The following SPOCK3 variants were observed in gnomAD, a reference collection of about 807,000 sequenced individuals.
SPOCK3 encodes SPARC (osteonectin), cwcv and kazal like domains proteoglycan 3, also known as testican-3.
SPOCK3 carries 30 observed loss-of-function variants against 56.6 expected under a neutral mutation model. That is an observed-to-expected ratio of 0.53 (90% confidence interval 0.40 to 0.72). The LOEUF (loss-of-function observed/expected upper bound fraction) is 0.72, where lower values mean the gene tolerates loss of function less well. SPOCK3 is among the 30% of genes least tolerant of loss of function. SPOCK3 has a pLI of 0.00. For missense variants in SPOCK3, 527 were observed against 530.0 expected (o/e 0.99, Z 0.06); for synonymous variants, 196 against 183.3 (o/e 1.07, Z -0.56).
At chr4:166,773,430 G>GTTT (rs5863841) in intron 7 of SPOCK3, among the ~76,000 whole-genome samples, 1 of 151,608 alleles carries the variant, frequency 6.6e-6, no homozygotes, top group African/African-American at 2.4e-5. Flanking sequence ...AAAAGTAACT[G>GTTT]TTTCTTTTAA....
intron 9 of SPOCK3, among the ~76,000 whole-genome samples, chr4:166,738,440 AT>A (rs1304441897): frequency 1.3e-5 from 2 of 149,360 alleles, no homozygotes; most frequent in Non-Finnish European, 3.0e-5. Flanking sequence ...TTATTTATTT[AT>A]TTAATTTTAC....
chr4:166,900,967 C>A (rs899423902), intron 5 of SPOCK3, among the ~76,000 whole-genome samples: 5 of 152,138 alleles, frequency 3.3e-5, no homozygotes, highest in Non-Finnish European at 7.4e-5. Flanking sequence ...ATCTTTCCTC[C>A]CCAAGGAAAT....
At chr4:166,940,708 C>G (rs949496874) in intron 4 of SPOCK3, among the ~76,000 whole-genome samples, 2 of 150,212 alleles carry the variant, frequency 1.3e-5, no homozygotes, top group African/African-American at 4.9e-5. Flanking sequence ...GAACCTAAGA[C>G]AGCAAAGATC....
intron 2 of SPOCK3, among the ~76,000 whole-genome samples, chr4:167,090,054 T>C (rs1232792156): frequency 2.0e-5 from 3 of 152,210 alleles, no homozygotes; most frequent in Non-Finnish European, 4.4e-5. Flanking sequence ...GTTTTCAGTA[T>C]GGGGTAATTA....
chr4:166,972,152 TACA>T (rs1291161681), intron 4 of SPOCK3, among the ~76,000 whole-genome samples: 2 of 152,218 alleles, frequency 1.3e-5, no homozygotes, highest in East Asian at 1.9e-4. Context: ...ACACTGATAA[TACA>T]ACAAGCTGGA....
chr4:167,143,615 G>T (rs1561261835), intron 2 of SPOCK3, among the ~76,000 whole-genome samples: 1 of 151,860 alleles, frequency 6.6e-6, no homozygotes, highest in Non-Finnish European at 1.5e-5. Flanking sequence ...ACTGGCAGCT[G>T]CCATTTTTTT....
At chr4:166,877,828 A>T (rs1733254287) in intron 6 of SPOCK3, among the ~76,000 whole-genome samples, 1 of 152,232 alleles carries the variant, frequency 6.6e-6, no homozygotes, top group Non-Finnish European at 1.5e-5. Flanking sequence ...AGAAACAGTA[A>T]TAATTTTGCC....
chr4:167,149,449 C>A (rs1022454599), intron 2 of SPOCK3, among the ~76,000 whole-genome samples: 16 of 152,068 alleles, frequency 1.1e-4, no homozygotes, highest in African/African-American at 3.9e-4. Flanking sequence ...GAAATACCTG[C>A]CAAAAGAAGT....
At position 166,951,309 on chromosome 4, in the gene SPOCK3, C is replaced by T. The variant is rs1415405790; in HGVS notation, c.351-38566G>A. On this transcript the variant is annotated intron_variant, in intron 4 of 10. Transcript: ENST00000357545. ...TCAGAGATTACTACAAACACCTCTACGCAAAAAAACTAGAAAATCTAGAAG... is the reference window on the plus strand; with the variant it reads ...TCAGAGATTACTACAAACACCTCTATGCAAAAAAACTAGAAAATCTAGAAG... Among the ~76,000 whole-genome samples the T allele has an allele frequency of 1.7e-4, 23 of 137,196 alleles. 1 individual carries two copies. Among genetic ancestry groups the T allele is most frequent in the Middle Eastern group, 3.7e-3 (1 of 268 alleles). The allele number at this position is 137,196 out of a possible 152,430, so 90.0% of individuals were successfully genotyped here.
rs930303435 is a variant in SPOCK3 at position 166,921,662 on chromosome 4, T to C, written c.351-8919A>G. 7.3e-4 allele frequency among the ~76,000 whole-genome samples: 111 copies of C among 152,188 alleles called. 4 individuals are homozygous for C. The highest frequency in any genetic ancestry group is 1.5e-5 in the Non-Finnish European group (1 of 68,036). ...TAACCAGGAGTAGGGGCAGACTCAC[T>C]AGCCAAGGAACTGTTCTCCTGGAAA... On this transcript the variant is annotated intron_variant, in intron 4 of 10. Coordinates refer to ENST00000357545, the MANE Select transcript of SPOCK3 (RefSeq NM_001040159.2).
At chr4:166,859,487 T>G (rs1355286908) in intron 6 of SPOCK3, among the ~76,000 whole-genome samples, 2 of 152,114 alleles carry the variant, frequency 1.3e-5, no homozygotes, top group Non-Finnish European at 2.9e-5. Context: ...GAAAACAAAC[T>G]GGTCTTGGAT....
At chr4:166,751,071 C>T (rs1270680065) in intron 8 of SPOCK3, among the ~76,000 whole-genome samples, 1 of 152,134 alleles carries the variant, frequency 6.6e-6, no homozygotes, top group Non-Finnish European at 1.5e-5. Context: ...TAAGCCACTG[C>T]CCTTAATCAC....
At chr4:167,176,860 T>G (rs561604077) in intron 2 of SPOCK3, among the ~76,000 whole-genome samples, 1 of 152,074 alleles carries the variant, frequency 6.6e-6, no homozygotes, top group South Asian at 2.1e-4. Context: ...TGTCAAACGT[T>G]GCAAACATAG....
intron 2 of SPOCK3, among the ~76,000 whole-genome samples, chr4:167,149,635 T>C (rs1414240538): frequency 6.6e-6 from 1 of 152,112 alleles, no homozygotes; most frequent in Non-Finnish European, 1.5e-5. Context: ...CCTATTAGTG[T>C]TTGCACATGA....
intron 2 of SPOCK3, among the ~76,000 whole-genome samples, chr4:167,121,406 T>C (rs935362808): frequency 6.6e-6 from 1 of 151,828 alleles, no homozygotes; most frequent in Non-Finnish European, 1.5e-5. Context: ...GTTTGTGTTA[T>C]AGTATTAGAT....
At chr4:167,125,690 C>G (rs991077860) in intron 2 of SPOCK3, among the ~76,000 whole-genome samples, 1 of 151,822 alleles carries the variant, frequency 6.6e-6, no homozygotes, top group African/African-American at 2.4e-5. Context: ...ACTCCAGCCC[C>G]GGCAGCAGAG....
intron 2 of SPOCK3, among the ~76,000 whole-genome samples, chr4:167,099,825 T>C (rs1759478085): frequency 6.6e-6 from 1 of 152,122 alleles, no homozygotes; most frequent in African/African-American, 2.4e-5. Flanking sequence ...TTTCCCTTTT[T>C]GAATGATTAA....
At chr4:167,047,797 C>A (rs911974538) in intron 3 of SPOCK3, among the ~76,000 whole-genome samples, 1 of 152,158 alleles carries the variant, frequency 6.6e-6, no homozygotes, top group Non-Finnish European at 1.5e-5. Flanking sequence ...CCTGTAATCC[C>A]AGCACTTGGG....
intron 2 of SPOCK3, among the ~76,000 whole-genome samples, chr4:167,227,951 G>A (rs1355012281): frequency 2.6e-5 from 4 of 152,104 alleles, no homozygotes; most frequent in South Asian, 2.1e-4. Context: ...CTGACTAGCT[G>A]TAAGAAACAG....
Sources: allele counts gnomAD v4.1 joint callset (sites outside exome capture counted in the v4.1 genomes callset), GRCh38; gene constraint gnomAD v4.1.1; transcripts MANE v1.5; gene names NCBI Gene and HGNC (gene_info 2026-07-23, HGNC 2026-07-21).